Variants in CADM1 observed in about 807,000 individuals in gnomAD.
CADM1 encodes TSLC-1.
Under a neutral mutation model 53.1 loss-of-function variants are expected in CADM1, and 15 were observed. The ratio of observed to expected loss-of-function variants is 0.28; its 90% CI spans 0.19 to 0.44. CADM1 has a LOEUF of 0.44. Ranked by LOEUF, CADM1 falls within the 20% of genes least tolerant of loss-of-function variation. The pLI is 1.00. For synonymous variants in CADM1, 281 were observed against 243.0 expected, an observed-to-expected ratio of 1.16 and a Z score of -1.45; for missense variants, 434 against 611.3, an observed-to-expected ratio of 0.71 and a Z score of 3.06.
At chr11:115,331,694 T>C (rs1945132491) in intron 1 of CADM1, among the ~76,000 whole-genome samples, 1 of 151,534 alleles carries the variant, frequency 6.6e-6, no homozygotes, top group African/African-American at 2.4e-5. Context: ...GTGCAGAAAA[T>C]TTTTATCAAG....
At chr11:115,198,480 G>A in intron 8 of CADM1, 42 bp from the exon 9 acceptor site, 1 of 1,560,600 alleles carries the variant, frequency 6.4e-7, no homozygotes, top group South Asian at 1.1e-5. Flanking sequence ...GAAGAAACAG[G>A]AGGAACGGCA....
rs191557877 is a variant in CADM1 at position 115,232,638 on chromosome 11, A to G, written c.425-1148T>C. Among the ~76,000 whole-genome samples the G allele has an allele frequency of 1.0e-3, 154 of 152,328 alleles. 1 individual carries two copies. The highest frequency in any genetic ancestry group is 3.6e-3 in the African/African-American group (151 of 41,574). ...ACTGACTATCAAATCAAGAGTATGT[A>G]GTGTGATAGTGATAGTGATGGTGAC... is the stretch of plus-strand genomic sequence containing the variant. On this transcript the variant is annotated intron_variant, in intron 3 of 11. Transcript: ENST00000331581.
intron 10 of CADM1, 103 bp from the exon 11 acceptor site, chr11:115,178,878 T>A (rs1939174543): frequency 8.0e-7 from 1 of 1,257,040 alleles, no homozygotes; most frequent in Non-Finnish European, 1.1e-6. Context: ...TCTTTTTTAA[T>A]GGAGGAGTCA....
chr11:115,281,254 G>A (rs1339513794), intron 1 of CADM1, among the ~76,000 whole-genome samples: 4 of 152,190 alleles, frequency 2.6e-5, no homozygotes, highest in Non-Finnish European at 4.4e-5. Context: ...TATCCAGAGC[G>A]TAGGAGGCAG....
At position 115,177,762 on chromosome 11, in the gene CADM1, C is replaced by T. The variant is rs556253077; in HGVS notation, c.1297+882G>A. Among the ~76,000 whole-genome samples, 33 of 151,758 alleles carry T rather than the reference C, an allele frequency of 2.2e-4. 2 individuals carry two copies. The South Asian group carries it at 6.0e-3, about 28-fold the overall frequency. ...AGGGCGAAGTATGGACAGCTCTGAT[C>T]GTCCTAAACTGTTTTATGCTTGAGA... is the stretch of plus-strand genomic sequence containing the variant. On this transcript the variant is annotated intron_variant, in intron 11 of 11. Coordinates refer to ENST00000331581, the MANE Select transcript of CADM1 (RefSeq NM_001301043.2).
At chr11:115,315,876 T>C (rs1309693779) in intron 1 of CADM1, among the ~76,000 whole-genome samples, 3 of 152,162 alleles carry the variant, frequency 2.0e-5, no homozygotes, top group Admixed American at 6.6e-5. Flanking sequence ...ACAAAGCCCA[T>C]ACTTTTGCTA....
In CADM1 at chr11:115,194,850, G is replaced by A. The variant is rs531236245; in HGVS notation, c.1111+3556C>T. Among the ~76,000 whole-genome samples the A allele has an allele frequency of 2.2e-3, 336 of 152,244 alleles. 1 individual carries two copies. Among genetic ancestry groups the A allele is most frequent in the African/African-American group, 7.7e-3 (320 of 41,538 alleles). ...GGGACACACAGGGCAGAAGGAACAA[G>A]GCACAAGACACAGAAGCGCCCACAT... is the stretch of plus-strand genomic sequence containing the variant. On this transcript the variant is annotated intron_variant, in intron 9 of 11. Coordinates refer to ENST00000331581, the MANE Select transcript of CADM1 (RefSeq NM_001301043.2).
intron 1 of CADM1, among the ~76,000 whole-genome samples, chr11:115,412,532 G>A (rs1327660944): frequency 6.6e-6 from 1 of 152,116 alleles, no homozygotes; most frequent in East Asian, 1.9e-4. Flanking sequence ...ATTCAAAATT[G>A]CTTGTCTATA....
intron 9 of CADM1, 140 bp downstream of exon 9, chr11:115,198,266 C>T (rs1009476827): frequency 3.1e-6 from 2 of 638,032 alleles, no homozygotes; most frequent in Non-Finnish European, 5.4e-6. Context: ...CTTTTCAAAC[C>T]TTAAAAAATT....
Position 115,175,772 on chromosome 11 carries a change from C to T in CADM1, c.*702G>A. 1 of 993,020 alleles carries T rather than the reference C, an allele frequency of 1.0e-6. No homozygotes were observed. The highest frequency in any genetic ancestry group is 1.2e-6 in the Non-Finnish European group (1 of 834,396). 61.5% of individuals were successfully genotyped at this position (993,020 alleles called of 1,614,324 possible). ...AACCCTGTACAGTAATGTAGTTCCA[C>T]AGCAAACAGAACATTTTCTGAATCA... On this transcript the variant is annotated 3_prime_UTR_variant, in exon 12 of 12. Coordinates refer to ENST00000331581, the MANE Select transcript of CADM1 (RefSeq NM_001301043.2).
chr11:115,177,372 G>A (rs565538780), intron 11 of CADM1, among the ~76,000 whole-genome samples: 1 of 152,222 alleles, frequency 6.6e-6, no homozygotes, highest in East Asian at 1.9e-4. Flanking sequence ...CAGTTTACAT[G>A]GAGAACAACA....
At chr11:115,399,748 TCTAA>T (rs1215118267) in intron 1 of CADM1, among the ~76,000 whole-genome samples, 3 of 152,134 alleles carry the variant, frequency 2.0e-5, no homozygotes, top group Non-Finnish European at 4.4e-5. Context: ...CCTGGAACAG[TCTAA>T]CTTTTTGTGA....
chr11:115,235,545 G>T (rs1382222125), intron 3 of CADM1, among the ~76,000 whole-genome samples: 1 of 152,168 alleles, frequency 6.6e-6, no homozygotes, highest in Non-Finnish European at 1.5e-5. Context: ...CTAGAAAACA[G>T]TAATGAAATG....
At chr11:115,212,677 A>T (rs1482293009) in intron 7 of CADM1, among the ~76,000 whole-genome samples, 1 of 152,216 alleles carries the variant, frequency 6.6e-6, no homozygotes, top group Non-Finnish European at 1.5e-5. Flanking sequence ...AGAATATACA[A>T]AGAAAGACAT....
intron 1 of CADM1, among the ~76,000 whole-genome samples, chr11:115,410,432 C>T (rs1156418095): frequency 1.3e-5 from 2 of 152,078 alleles, no homozygotes; most frequent in African/African-American, 4.8e-5. Context: ...CATTTTCTTG[C>T]ATTGTTTAAT....
At chr11:115,228,741 G>A (rs932725179) in intron 5 of CADM1, among the ~76,000 whole-genome samples, 1 of 151,884 alleles carries the variant, frequency 6.6e-6, no homozygotes, top group Non-Finnish European at 1.5e-5. Context: ...GACGTAAATG[G>A]GAAAAAAATC....
intron 5 of CADM1, among the ~76,000 whole-genome samples, chr11:115,228,099 CAG>C (rs1941682043): frequency 6.6e-6 from 1 of 152,122 alleles, no homozygotes; most frequent in African/African-American, 2.4e-5. Flanking sequence ...ACGATGAAGG[CAG>C]AGAGTGGAGT....
At chr11:115,179,504 A>G (rs903378047) in intron 10 of CADM1, among the ~76,000 whole-genome samples, 1 of 152,208 alleles carries the variant, frequency 6.6e-6, no homozygotes, top group African/African-American at 2.4e-5. Flanking sequence ...CTGAGGAACG[A>G]CATGTTTGGC....
At chr11:115,437,842 C>A (rs1948218025) in intron 1 of CADM1, among the ~76,000 whole-genome samples, 1 of 151,994 alleles carries the variant, frequency 6.6e-6, no homozygotes, top group Non-Finnish European at 1.5e-5. Flanking sequence ...ATTATCAAGG[C>A]AGAGGAAAGG....
Sources: allele counts gnomAD v4.1 joint callset (sites outside exome capture counted in the v4.1 genomes callset), GRCh38; gene constraint gnomAD v4.1.1; transcripts MANE v1.5; gene names NCBI Gene and HGNC (gene_info 2026-07-23, HGNC 2026-07-21).